The following KREMEN1 variants were observed in gnomAD, a reference collection of about 807,000 sequenced individuals.
KREMEN1 encodes kremen protein 1.
Under a neutral mutation model 46.5 loss-of-function variants are expected in KREMEN1, and 30 were observed. The ratio of observed to expected loss-of-function variants is 0.65; its 90% CI spans 0.48 to 0.88. The LOEUF (loss-of-function observed/expected upper bound fraction) is 0.88. Ranked by LOEUF, KREMEN1 falls within the 40% of genes least tolerant of loss-of-function variation. The pLI is 0.00. For missense variants in KREMEN1, 533 were observed against 596.9 expected (o/e 0.89, Z 1.11); for synonymous variants, 214 against 230.6 (o/e 0.93, Z 0.65).
intron 1 of KREMEN1, among the ~76,000 whole-genome samples, chr22:29,082,390 G>A (rs1057333651): frequency 4.6e-5 from 7 of 152,174 alleles, no homozygotes; most frequent in Admixed American, 2.0e-4. Context: ...AGAGTCCCTG[G>A]TTTAAATAGC....
chr22:29,143,468 C>A lies in KREMEN1; in HGVS notation c.*1356C>A, dbSNP rs138894698. 7.5e-4 allele frequency: 740 copies of A among 985,484 alleles called. 4 individuals carry two copies. The African/African-American group carries it at 0.012, about 16-fold the overall frequency. The allele number at this position is 985,484 out of a possible 1,614,324, so 61.0% of individuals were successfully genotyped here. A position where few individuals can be genotyped will look rare whatever the true frequency, so the allele number is the denominator to read the frequency against. ...GATAAAAAACACCCCAAGGGCCGGG[C>A]GCGGTGGCTCATGCCTGTAATCCCA... is the stretch of plus-strand genomic sequence containing the variant. On this transcript the variant is annotated 3_prime_UTR_variant, in exon 9 of 9. Transcript: ENST00000400335.
intron 9 of KREMEN1, among the ~76,000 whole-genome samples, chr22:29,164,258 T>G (rs1235116502): frequency 6.6e-6 from 1 of 152,206 alleles, no homozygotes; most frequent in Non-Finnish European, 1.5e-5. Context: ...TGGACACACC[T>G]GGCAAACTGA....
chr22:29,076,403 C>T (rs562484436), intron 1 of KREMEN1, among the ~76,000 whole-genome samples: 1 of 152,300 alleles, frequency 6.6e-6, no homozygotes, highest in East Asian at 1.9e-4. Flanking sequence ...ATAGAATTAC[C>T]TGTAAGCGAC....
chr22:29,114,853 A>G lies in KREMEN1; in HGVS notation c.353-6504A>G, dbSNP rs2038212268. ...TTAAAGAGTAGGCTAAATTTGTTAAATTTGTTTAAGAAAGATCTAATGCAT... is the reference window on the plus strand; with the variant it reads ...TTAAAGAGTAGGCTAAATTTGTTAAGTTTGTTTAAGAAAGATCTAATGCAT... On this transcript the variant is annotated intron_variant, in intron 3 of 8. Transcript: ENST00000400335. 1.3e-5 allele frequency among the ~76,000 whole-genome samples: 2 copies of G among 152,246 alleles called. 1 individual carries two copies. Among genetic ancestry groups the G allele is most frequent in the South Asian group, 4.1e-4 (2 of 4,832 alleles).
In KREMEN1 at chr22:29,145,369, G is replaced by A. The variant is rs1296318980; in HGVS notation, c.*3257G>A. Reference sequence around the variant, plus strand: ...CGGGGACCACTGTGGACAGAGCTCTGAAAGCACCCTGGCCAAAGCCCCTCC... The same window carrying A: ...CGGGGACCACTGTGGACAGAGCTCTAAAAGCACCCTGGCCAAAGCCCCTCC... On this transcript the variant is annotated 3_prime_UTR_variant, in exon 9 of 9. Transcript: ENST00000400335. 3.0e-6 allele frequency: 3 copies of A among 985,462 alleles called. No individual in the cohort carries two copies. In the African/African-American group the frequency reaches 5.2e-5, roughly 17 times the overall value. 61.0% of individuals were successfully genotyped at this position (985,462 alleles called of 1,614,324 possible).
chr22:29,105,966 C>G (rs933875674), intron 3 of KREMEN1, among the ~76,000 whole-genome samples: 1 of 152,168 alleles, frequency 6.6e-6, no homozygotes, highest in African/African-American at 2.4e-5. Context: ...ATTTGCCTTA[C>G]AAAAGTCAGC....
At chr22:29,126,761 G>T (rs188725835) in intron 5 of KREMEN1, among the ~76,000 whole-genome samples, 1 of 152,272 alleles carries the variant, frequency 6.6e-6, no homozygotes, top group African/African-American at 2.4e-5. Flanking sequence ...GTTTGTATTT[G>T]GGGTGGGAAG....
intron 3 of KREMEN1, chr22:29,099,437 CAT>C (rs990399674): frequency 3.3e-5 from 5 of 153,336 alleles, no homozygotes; most frequent in Non-Finnish European, 7.3e-5. Context: ...ATTAGCCTAA[CAT>C]GTTCTACTGT....
chr22:29,112,991 T>A (rs2038176272), intron 3 of KREMEN1, among the ~76,000 whole-genome samples: 1 of 152,224 alleles, frequency 6.6e-6, no homozygotes. Context: ...CCGCAGAGGC[T>A]TCCCTCGTGG....
At position 29,089,871 on chromosome 22, in the gene KREMEN1, C is replaced by T. The variant is rs78063125; in HGVS notation, c.98-4387C>T. Among the ~76,000 whole-genome samples the T allele has an allele frequency of 9.4e-3, 1,424 of 152,278 alleles. 15 individuals carry two copies. The highest frequency in any genetic ancestry group is 0.033 in the African/African-American group (1,355 of 41,542). On this transcript the variant is annotated intron_variant, in intron 1 of 8. Transcript: ENST00000400335. ...TCTGCCAGTTACACACCTGCCGCCTCGTTCACTGGGTTTGCTTCCTCCCTT... is the reference window on the plus strand; with the variant it reads ...TCTGCCAGTTACACACCTGCCGCCTTGTTCACTGGGTTTGCTTCCTCCCTT...
At chr22:29,106,989 T>C (rs1454002961) in intron 3 of KREMEN1, among the ~76,000 whole-genome samples, 2 of 152,082 alleles carry the variant, frequency 1.3e-5, no homozygotes, top group Non-Finnish European at 2.9e-5. Flanking sequence ...CTGGGAAGCA[T>C]TTGCTGCCCA....
rs73397056 is a variant in KREMEN1, at chr22:29,167,395, C to A, written c.*289C>A. 3,784 of 431,648 alleles carry A rather than the reference C, an allele frequency of 8.8e-3. 131 individuals are homozygous for A. The highest frequency in any genetic ancestry group is 0.069 in the African/African-American group (3,460 of 50,018). The allele number at this position is 431,648 out of a possible 1,614,324, so 26.7% of individuals were successfully genotyped here. ...AGAAAGAAAGAGAAACGGTGTCCTC[C>A]GCACAGCCGGTCAGAACTGTGTGAC... On this transcript the variant is annotated 3_prime_UTR_variant, in exon 10 of 10. Transcript: ENST00000327813.
At position 29,125,256 on chromosome 22, in the gene KREMEN1, G is replaced by A. The variant is rs553197401; in HGVS notation, c.478-7G>A. ...GCTTACCGTGTGCTGCTTCTCTGTTGTGGCAGTTTGCTGGGATGGAGTCAG... is the reference window on the plus strand; with the variant it reads ...GCTTACCGTGTGCTGCTTCTCTGTTATGGCAGTTTGCTGGGATGGAGTCAG... On this transcript the variant is annotated splice_region_variant and splice_polypyrimidine_tract_variant and intron_variant, in intron 4 of 8. Coordinates refer to ENST00000400335, the MANE Select transcript of KREMEN1 (RefSeq NM_001039570.3). 20 of 1,614,002 alleles carry A rather than the reference G, an allele frequency of 1.2e-5. No homozygotes were observed. In the South Asian group the frequency reaches 2.2e-4, roughly 18 times the overall value.
intron 6 of KREMEN1, among the ~76,000 whole-genome samples, chr22:29,138,075 C>G (rs2038699321): frequency 6.6e-6 from 1 of 152,264 alleles, no homozygotes; most frequent in Non-Finnish European, 1.5e-5. Flanking sequence ...TTGCCATCTT[C>G]AAACCCTGCT....
downstream of KREMEN1, among the ~76,000 whole-genome samples, chr22:29,148,355 A>C (rs2038887853): frequency 6.6e-6 from 1 of 152,100 alleles, no homozygotes; most frequent in Admixed American, 6.6e-5. Flanking sequence ...GGATGCACTG[A>C]GGCAGTGAGG....
intron 1 of KREMEN1, among the ~76,000 whole-genome samples, chr22:29,084,405 C>G (rs889497290): frequency 2.0e-5 from 3 of 152,102 alleles, no homozygotes; most frequent in Non-Finnish European, 4.4e-5. Flanking sequence ...ACTCAAATAC[C>G]TCTATTTTAT....
chr22:29,149,351 CG>C (rs1352114824), downstream of KREMEN1, among the ~76,000 whole-genome samples: 2 of 151,932 alleles, frequency 1.3e-5, no homozygotes, highest in Non-Finnish European at 2.9e-5. Context: ...TTAGTAGAGA[CG>C]GGGTTTCACC....
At chr22:29,120,414 A>AAACAGGGAGGAAGGAGAGGTGATGAT in intron 3 of KREMEN1, among the ~76,000 whole-genome samples, 2 of 61,832 alleles carry the variant, frequency 3.2e-5, no homozygotes, top group East Asian at 9.9e-4. Context: ...GAGGTGATGA[A>AAACAGGGAGGAAGGAGAGGTGATGAT]GGAAACAGGG....
chr22:29,162,216 C>T (rs2039017883), intron 9 of KREMEN1, among the ~76,000 whole-genome samples: 2 of 151,982 alleles, frequency 1.3e-5, no homozygotes, highest in South Asian at 4.1e-4. Flanking sequence ...TGATTCACCA[C>T]ATAAACAGAA....
Sources: allele counts gnomAD v4.1 joint callset (sites outside exome capture counted in the v4.1 genomes callset), GRCh38; gene constraint gnomAD v4.1.1; transcripts MANE v1.5; gene names NCBI Gene and HGNC (gene_info 2026-07-23, HGNC 2026-07-21).